Variants in C11orf24 observed in about 807,000 individuals in gnomAD.
C11orf24 encodes the protein uncharacterized protein C11orf24.
Under a neutral mutation model 7.3 loss-of-function variants are expected in C11orf24, and 5 were observed. That is an observed-to-expected ratio of 0.69 (90% CI 0.36 to 1.45). C11orf24 has a LOEUF of 1.45. Among genes scored for constraint, C11orf24 ranks in the 40% most tolerant of loss-of-function variants. C11orf24 has a pLI of 0.03. For missense variants in C11orf24, 566 were observed against 590.5 expected, an observed-to-expected ratio of 0.96 and a Z score of 0.43; for synonymous variants, 233 against 235.7, an observed-to-expected ratio of 0.99 and a Z score of 0.11.
rs941534251 is a variant in C11orf24, at chr11:68,268,069, AG to A, written c.-116del. 5 of 152,412 alleles carry A rather than the reference AG, an allele frequency of 3.3e-5. No individual in the cohort carries two copies. The highest frequency in any genetic ancestry group is 6.5e-5 in the Admixed American group (1 of 15,286). The allele number at this position is 152,412 out of a possible 1,614,324, so 9.4% of individuals were successfully genotyped here. ...GGACACTTACCAGAGGCTGCTGCTA[AG>A]GGGATGCTCCCAGCCTGGACCATCT... On this transcript the variant is annotated 5_prime_UTR_variant, in exon 2 of 4. It removes the in-frame stop codon of an upstream open reading frame in the 5' UTR. Transcript: ENST00000304271.
intron 1 of C11orf24, among the ~76,000 whole-genome samples, chr11:68,271,114 T>G (rs977720064): frequency 6.6e-6 from 1 of 152,236 alleles, no homozygotes; most frequent in East Asian, 1.9e-4. Context: ...TGGAAACATC[T>G]GTATTTTAAA....
intron 1 of C11orf24, among the ~76,000 whole-genome samples, chr11:68,268,943 A>G (rs112681048): frequency 3.9e-5 from 6 of 152,360 alleles, no homozygotes; most frequent in African/African-American, 1.4e-4. Flanking sequence ...AGCATGCATC[A>G]GTAAATGAAC....
At chr11:68,266,909 T>C (rs1413105281) in intron 2 of C11orf24, among the ~76,000 whole-genome samples, 2 of 151,958 alleles carry the variant, frequency 1.3e-5, no homozygotes, top group East Asian at 3.9e-4. Flanking sequence ...GTGAAGAGGG[T>C]CTCGGCTCCT....
intron 2 of C11orf24, among the ~76,000 whole-genome samples, chr11:68,265,647 C>T (rs1359117901): frequency 1.3e-5 from 2 of 152,118 alleles, no homozygotes; most frequent in East Asian, 1.9e-4. Context: ...GCCACCACAC[C>T]TGGCTATTTT....
At chr11:68,264,625 CCCAT>C (rs1463201120) in intron 2 of C11orf24, among the ~76,000 whole-genome samples, 1 of 38,212 alleles carries the variant, frequency 2.6e-5, no homozygotes. Flanking sequence ...CATCCATCCA[CCCAT>C]CCATCCACCC....
intron 1 of C11orf24, among the ~76,000 whole-genome samples, chr11:68,269,226 A>G (rs868507523): frequency 6.6e-6 from 1 of 152,172 alleles, no homozygotes; most frequent in Non-Finnish European, 1.5e-5. Flanking sequence ...AGAAAGGCAC[A>G]GAGTTATCCC....
In C11orf24 at chr11:68,262,887, TC is replaced by T. The variant is rs1379319968; in HGVS notation, c.107del (p.Gly36AspfsTer2). On this transcript the variant is annotated frameshift_variant, in exon 4 of 4. Transcript: ENST00000304271. LOFTEE classifies it low-confidence loss of function (END_TRUNC). Reference protein sequence around the residue: ...RNFVPNKMWKGLVKRNASVET... With the variant: ...RNFVPNKMWKXLVKRNASVET... ...CCACAGATGCATTCCTCTTGACTAA[TC>T]CCTTCCACATTTTGTTAGGGACAAA... 6.2e-7 allele frequency: 1 copy of T among 1,613,878 alleles called. No individual in the cohort carries two copies. The highest frequency in any genetic ancestry group is 8.5e-7 in the Non-Finnish European group (1 of 1,179,928).
intron 2 of C11orf24, chr11:68,267,729 T>G (rs1463695391): frequency 6.6e-6 from 1 of 152,448 alleles, no homozygotes; most frequent in Non-Finnish European, 1.5e-5. Flanking sequence ...GGTATGCATC[T>G]GTAGTCCCAG....
In C11orf24 at chr11:68,263,826, C is replaced by A; in HGVS notation, c.-59G>T. On this transcript the variant is annotated 5_prime_UTR_variant, in exon 3 of 4. Coordinates refer to ENST00000304271, the MANE Select transcript of C11orf24 (RefSeq NM_022338.4). ...CCCCGAGGCTCCCAGCCAGCCAGCT[C>A]CTCAGGCTGCTAATGGTTCCCTCCT... 6.9e-7 allele frequency: 1 copy of A among 1,445,306 alleles called. No individual in the cohort carries two copies. The highest frequency in any genetic ancestry group is 9.6e-7 in the Non-Finnish European group (1 of 1,038,918). The allele number at this position is 1,445,306 out of a possible 1,614,324, so 89.5% of individuals were successfully genotyped here.
Position 68,262,945 on chromosome 11 carries a change from A to G in C11orf24, c.77-27T>C, listed in dbSNP as rs200981417. On this transcript the variant is annotated intron_variant, in intron 3 of 3. Transcript: ENST00000304271. ...TTAAAGTCAGAAAAAGGAGAAAAAGAGAGACAATCATGTTCAATCCTGCAC... is the reference window on the plus strand; with the variant it reads ...TTAAAGTCAGAAAAAGGAGAAAAAGGGAGACAATCATGTTCAATCCTGCAC... 7 of 1,602,156 alleles carry G rather than the reference A, an allele frequency of 4.4e-6. No individual in the cohort carries two copies. In the East Asian group the frequency reaches 1.3e-4, roughly 31 times the overall value.
In C11orf24 at chr11:68,262,910, C is replaced by T. The variant is rs899218463; in HGVS notation, c.85G>A (p.Val29Ile). The change falls in exon 4 of 4, where the codon GTC becomes ATC. Residue 29 changes from valine (V) to isoleucine (I), a missense_variant. Val to Ile is a conservative substitution (Grantham distance 29). Coordinates refer to ENST00000304271, the MANE Select transcript of C11orf24 (RefSeq NM_022338.4). ...HAASNDPRNF[V>I]PNKMWKGLVK... The stretch of plus-strand genomic sequence containing the variant: ...AATCCCTTCCACATTTTGTTAGGGA[C>T]AAAGTTGCCTTAAAGTCAGAAAAAG... 1 of 1,612,470 alleles carries T rather than the reference C, an allele frequency of 6.2e-7. No homozygotes were observed. Among genetic ancestry groups the T allele is most frequent in the Non-Finnish European group, 8.5e-7 (1 of 1,179,114 alleles).
Position 68,261,938 on chromosome 11 carries a change from G to A in C11orf24, c.1057C>T (p.Pro353Ser), listed in dbSNP as rs766776199. Reference protein sequence around the residue: ...APEQVETEATPGTDSTGPTPR... With the variant: ...APEQVETEATSGTDSTGPTPR... ...GTTGGCCCAGTGGAATCAGTACCTG[G>A]TGTGGCTTCAGTCTCTACCTGCTCC... Residue 353 changes from proline to serine, a missense_variant, in exon 4 of 4, where the codon CCA becomes TCA. Transcript: ENST00000304271. 1 of 1,613,896 alleles carries A rather than the reference G, an allele frequency of 6.2e-7. No homozygotes were observed.
intron 2 of C11orf24, among the ~76,000 whole-genome samples, chr11:68,265,169 G>A (rs920200032): frequency 6.6e-6 from 1 of 152,218 alleles, no homozygotes; most frequent in Non-Finnish European, 1.5e-5. Context: ...GCAAGGAAGA[G>A]CGTGGTGAGG....
Position 68,262,107 on chromosome 11 carries a change from T to C in C11orf24, c.888A>G (p.Ala296=). 6.2e-7 allele frequency: 1 copy of C among 1,611,012 alleles called. No individual in the cohort carries two copies. Among genetic ancestry groups the C allele is most frequent in the Non-Finnish European group, 8.5e-7 (1 of 1,179,088 alleles). ...PTPTVVTTTK[A]QAREPTASPV... is the part of the protein sequence containing the mutation. ...GGCTGGCAGTTGGCTCCCTGGCTTG[T>C]GCCTTGGTGGTGGTCACCACTGTGG... Residue 296 remains alanine, a synonymous_variant, in exon 4 of 4, where the codon GCA becomes GCG. Transcript: ENST00000304271.
intron 2 of C11orf24, among the ~76,000 whole-genome samples, chr11:68,266,532 A>C (rs1488728144): frequency 6.6e-6 from 1 of 152,212 alleles, no homozygotes; most frequent in Non-Finnish European, 1.5e-5. Context: ...CTAATGTGTT[A>C]GGGGCTTAGA....
intron 2 of C11orf24, among the ~76,000 whole-genome samples, chr11:68,265,166 A>G (rs1293597116): frequency 6.6e-6 from 1 of 152,194 alleles, no homozygotes; most frequent in East Asian, 1.9e-4. Flanking sequence ...GAGGCAAGGA[A>G]GAGCGTGGTG....
chr11:68,265,793 G>C (rs1371087159), intron 2 of C11orf24, among the ~76,000 whole-genome samples: 1 of 152,156 alleles, frequency 6.6e-6, no homozygotes, highest in African/African-American at 2.4e-5. Context: ...GGCCCTTAAT[G>C]TATTATAAAA....
In C11orf24 at chr11:68,262,783, G is replaced by A. The variant is rs764729304; in HGVS notation, c.212C>T (p.Ala71Val). 1.7e-5 allele frequency: 27 copies of A among 1,614,094 alleles called. No individual in the cohort carries two copies. The South Asian group carries it at 3.0e-4, about 18-fold the overall frequency. The stretch of plus-strand genomic sequence containing the variant: ...GACTTCCATAGAGTTGAGGTGGGCT[G>A]CCGAAGTCCCTTTGGTCAATGTGAC... ...SPVTLTKGTSAAHLNSMEVTT... is the reference protein window; with the variant it reads ...SPVTLTKGTSVAHLNSMEVTT... Residue 71 changes from alanine to valine, a missense_variant, in exon 4 of 4, where the codon GCA (alanine) becomes GTA (valine). Transcript: ENST00000304271.
rs7107558 is a variant in C11orf24 at position 68,262,050 on chromosome 11, A to G, written c.945T>C (p.Pro315=). ...TCGTGGGGGACATGGCCTCCATCTCAGGGATTGGGCTGGTGTGAGGTACTG... is the reference window on the plus strand; with the variant it reads ...TCGTGGGGGACATGGCCTCCATCTCGGGGATTGGGCTGGTGTGAGGTACTG... ...PVPVPHTSPI[P]EMEAMSPTTQ... The change falls in exon 4 of 4, where the codon CCT becomes CCC. Residue 315 remains proline (P), a synonymous_variant. Transcript: ENST00000304271. The G allele has an allele frequency of 5.1e-3, 7,948 of 1,565,690 alleles. 349 individuals carry two copies. In the African/African-American group the frequency reaches 0.098, roughly 19 times the overall value.
Sources: allele counts gnomAD v4.1 joint callset (sites outside exome capture counted in the v4.1 genomes callset), GRCh38; gene constraint gnomAD v4.1.1; transcripts MANE v1.5; gene names NCBI Gene and HGNC (gene_info 2026-07-23, HGNC 2026-07-21).